The following SPAG16 variants were observed in gnomAD, a reference collection of about 807,000 sequenced individuals.
The protein encoded by SPAG16 is sperm associated antigen 16.
SPAG16 carries 86 observed loss-of-function variants against 80.4 expected under a neutral mutation model. That is an observed-to-expected ratio of 1.07 (90% CI 0.90 to 1.28). SPAG16 has a LOEUF of 1.28. Ranked by LOEUF, SPAG16 falls within the 50% of genes most tolerant of loss-of-function variation. The probability of loss-of-function intolerance (pLI) is 0.00; values close to 1 mark genes in which losing one functional copy is unlikely to be tolerated. For missense variants in SPAG16, 870 were observed against 765.3 expected, an observed-to-expected ratio of 1.14 and a Z score of -1.61; for synonymous variants, 294 against 265.9, an observed-to-expected ratio of 1.11 and a Z score of -1.03.
intron 11 of SPAG16, among the ~76,000 whole-genome samples, chr2:213,915,942 C>A (rs2077941329): frequency 6.6e-6 from 1 of 152,082 alleles, no homozygotes; most frequent in Non-Finnish European, 1.5e-5. Context: ...TGTTCATATT[C>A]TTCACCTACT....
rs557696574 is a variant in SPAG16 at position 213,451,690 on chromosome 2, T to C, written c.943-38273T>C. ...GTGGTAGTAAAAATGTCAGGGTTTA[T>C]ATAAATGGGCTAGTGAGGAGGGTGT... On this transcript the variant is annotated intron_variant, in intron 9 of 15. Transcript: ENST00000331683. 3.3e-5 allele frequency among the ~76,000 whole-genome samples: 5 copies of C among 152,252 alleles called. No homozygotes were observed. The East Asian group carries it at 7.7e-4, about 24-fold the overall frequency.
chr2:214,013,981 T>C lies in SPAG16; in HGVS notation c.1431T>C (p.His477=). ...SERCRCTLYG[H]TDSVNSIEFF... Reference sequence around the variant, plus strand: ...GATGCAGATGTACTTTGTATGGACATACAGATTCTGTGAACAGCATTGAGT... The same window carrying C: ...GATGCAGATGTACTTTGTATGGACACACAGATTCTGTGAACAGCATTGAGT... Residue 477 remains histidine, a synonymous_variant, in exon 13 of 16, where the codon CAT becomes CAC. Coordinates refer to ENST00000331683, the MANE Select transcript of SPAG16 (RefSeq NM_024532.5). 6.2e-7 allele frequency: 1 copy of C among 1,613,584 alleles called. No individual in the cohort carries two copies.
chr2:213,508,529 G>A (rs1402856067), intron 10 of SPAG16, among the ~76,000 whole-genome samples: 3 of 151,980 alleles, frequency 2.0e-5, no homozygotes, highest in Admixed American at 6.6e-5. Context: ...CCGAGATTGC[G>A]CCACTGCAGT....
chr2:214,021,570 G>A (rs751563224), intron 13 of SPAG16, among the ~76,000 whole-genome samples: 5 of 152,078 alleles, frequency 3.3e-5, no homozygotes, highest in Non-Finnish European at 7.4e-5. Flanking sequence ...ACAACACCTG[G>A]GAATTATGGG....
At chr2:213,956,988 T>C (rs2044178581) in intron 12 of SPAG16, among the ~76,000 whole-genome samples, 1 of 152,214 alleles carries the variant, frequency 6.6e-6, no homozygotes, top group South Asian at 2.1e-4. Context: ...CTCGTTGTAC[T>C]CAGAGAAGAT....
chr2:213,574,459 G>T (rs2060043487), intron 10 of SPAG16, among the ~76,000 whole-genome samples: 1 of 151,928 alleles, frequency 6.6e-6, no homozygotes, highest in Non-Finnish European at 1.5e-5. Context: ...CATTTAAGGA[G>T]CTAAACATGG....
At chr2:213,420,420 G>A (rs903347374) in intron 9 of SPAG16, among the ~76,000 whole-genome samples, 3 of 152,144 alleles carry the variant, frequency 2.0e-5, no homozygotes, top group Non-Finnish European at 4.4e-5. Context: ...GAAGAAAATG[G>A]GTTGCTACAT....
chr2:213,442,213 G>C (rs1451964142), intron 9 of SPAG16, among the ~76,000 whole-genome samples: 1 of 152,110 alleles, frequency 6.6e-6, no homozygotes, highest in Admixed American at 6.5e-5. Context: ...AAATACTTAG[G>C]TCTAAATCTA....
chr2:213,322,410 T>C (rs542070562), intron 5 of SPAG16, among the ~76,000 whole-genome samples: 5 of 148,804 alleles, frequency 3.4e-5, no homozygotes, highest in Non-Finnish European at 7.4e-5. Context: ...ACTTGAACTT[T>C]AACATCTTGC....
chr2:213,700,138 G>C (rs2065341451), intron 10 of SPAG16, among the ~76,000 whole-genome samples: 1 of 151,768 alleles, frequency 6.6e-6, no homozygotes, highest in African/African-American at 2.4e-5. Context: ...CTATATCTCT[G>C]GGTCCATACA....
chr2:213,304,703 T>C (rs1311246788), intron 3 of SPAG16, among the ~76,000 whole-genome samples: 2 of 152,096 alleles, frequency 1.3e-5, no homozygotes, highest in Non-Finnish European at 2.9e-5. Flanking sequence ...TATGGATGTG[T>C]TTCTGTGTGC....
chr2:213,913,620 T>C lies in SPAG16; in HGVS notation c.1215-16340T>C, dbSNP rs1483990553. 1.5e-3 allele frequency among the ~76,000 whole-genome samples: 16 copies of C among 10,644 alleles called. 3 individuals carry two copies. Among genetic ancestry groups the C allele is most frequent in the African/African-American group, 2.3e-3 (16 of 7,066 alleles). 7.0% of individuals were successfully genotyped at this position (10,644 alleles called of 152,430 possible). A position where few individuals can be genotyped will look rare whatever the true frequency, so the allele number is the denominator to read the frequency against. On this transcript the variant is annotated intron_variant, in intron 11 of 15. Coordinates refer to ENST00000331683, the MANE Select transcript of SPAG16 (RefSeq NM_024532.5). ...GTATATGTACATGTACATATATGTATATGTACATGTACATATATGTATATG... is the reference window on the plus strand; with the variant it reads ...GTATATGTACATGTACATATATGTACATGTACATGTACATATATGTATATG...
rs763686360 is a variant in SPAG16 at position 214,344,165 on chromosome 2, ATGT to A, written c.1721-65971_1721-65969del. On this transcript the variant is annotated intron_variant, in intron 15 of 15. Transcript: ENST00000331683. ...TATTGGAAAAAGGAGGTATGTGTAGATGTTGTGCATTTGAATGACTATTCAAAA... is the reference window on the plus strand; with the variant it reads ...TATTGGAAAAAGGAGGTATGTGTAGATGTGCATTTGAATGACTATTCAAAA... 2.4e-4 allele frequency among the ~76,000 whole-genome samples: 37 copies of A among 152,298 alleles called. 1 individual carries two copies. The highest frequency in any genetic ancestry group is 8.5e-4 in the Admixed American group (13 of 15,292).
In SPAG16 at chr2:214,371,493, T is replaced by C. The variant is rs1305084949; in HGVS notation, c.1721-38647T>C. On this transcript the variant is annotated intron_variant, in intron 15 of 15. Coordinates refer to ENST00000331683, the MANE Select transcript of SPAG16 (RefSeq NM_024532.5). ...GTTGAGGTGAGCCAAGATTACACCA[T>C]TGCACTCCAGCCTGGGCCGTAAGAG... Among the ~76,000 whole-genome samples the C allele has an allele frequency of 4.8e-5, 7 of 145,778 alleles. No homozygotes were observed. The South Asian group carries it at 8.8e-4, about 18-fold the overall frequency.
intron 9 of SPAG16, among the ~76,000 whole-genome samples, chr2:213,455,451 C>T (rs367660735): frequency 6.6e-6 from 1 of 152,074 alleles, no homozygotes; most frequent in Non-Finnish European, 1.5e-5. Context: ...CATGGACACC[C>T]GAAATTCCAG....
At chr2:213,579,392 T>C (rs2060228711) in intron 10 of SPAG16, among the ~76,000 whole-genome samples, 1 of 152,158 alleles carries the variant, frequency 6.6e-6, no homozygotes, top group South Asian at 2.1e-4. Flanking sequence ...AAACTTTCTC[T>C]CCTGTTTTAT....
intron 10 of SPAG16, among the ~76,000 whole-genome samples, chr2:213,502,276 C>T (rs965381790): frequency 6.6e-6 from 1 of 151,950 alleles, no homozygotes; most frequent in Non-Finnish European, 1.5e-5. Context: ...CTGGCATGCA[C>T]CAGCTATTTA....
chr2:214,026,472 TAAC>T (rs1309496645), intron 13 of SPAG16, among the ~76,000 whole-genome samples: 1 of 151,426 alleles, frequency 6.6e-6, no homozygotes, highest in Admixed American at 6.6e-5. Context: ...ATCTGCATAA[TAAC>T]AGTGAAGTGT....
chr2:213,609,226 C>T (rs2061364940), intron 10 of SPAG16, among the ~76,000 whole-genome samples: 2 of 152,116 alleles, frequency 1.3e-5, no homozygotes, highest in South Asian at 4.1e-4. Context: ...CTTTTTGCAG[C>T]TATCAGCTTG....
Sources: gnomAD v4.1 joint callset for allele counts (sites outside exome capture counted in the v4.1 genomes callset) on GRCh38, gnomAD v4.1.1 for gene constraint, MANE v1.5 for transcripts, NCBI Gene and HGNC (gene_info 2026-07-23, HGNC 2026-07-21) for gene names.